SERINC5: variants seen among roughly 807,000 people sequenced by gnomAD.
SERINC5 encodes the protein serine incorporator 5.
SERINC5 carries 41 observed loss-of-function variants against 63.1 expected under a neutral mutation model. That is an observed-to-expected ratio of 0.65 (90% CI 0.51 to 0.84). SERINC5 has a LOEUF of 0.84. Ranked by LOEUF, SERINC5 falls within the 40% of genes least tolerant of loss-of-function variation. The pLI is 0.00. For synonymous variants in SERINC5, 222 were observed against 215.2 expected (o/e 1.03, Z -0.28); for missense variants, 523 against 573.0 (o/e 0.91, Z 0.89).
Position 80,140,232 on chromosome 5 carries a change from A to T in SERINC5, c.*3431T>A. The T allele has an allele frequency of 1.2e-6, 1 of 848,446 alleles. No homozygotes were observed. The highest frequency in any genetic ancestry group is 1.4e-6 in the Non-Finnish European group (1 of 714,004). The allele number at this position is 848,446 out of a possible 1,614,324, so 52.6% of individuals were successfully genotyped here. A position where few individuals can be genotyped will look rare whatever the true frequency, so the allele number is the denominator to read the frequency against. On this transcript the variant is annotated 3_prime_UTR_variant, in exon 12 of 12. Coordinates refer to ENST00000507668, the MANE Select transcript of SERINC5 (RefSeq NM_001174072.3). ...TACTTGGGAGGTGGTCCTTGAGCCC[A>T]GGAGGTCAAGCCTGCCATGAGTCAA...
intron 7 of SERINC5, among the ~76,000 whole-genome samples, chr5:80,162,976 C>G (rs1747043775): frequency 6.6e-6 from 1 of 151,828 alleles, no homozygotes; most frequent in South Asian, 2.1e-4. Flanking sequence ...TCTCAGCCTC[C>G]CAAGTAGTTG....
intron 5 of SERINC5, 45 bp from the exon 6 acceptor site, chr5:80,169,591 G>A: frequency 1.3e-6 from 2 of 1,501,152 alleles, no homozygotes; most frequent in Non-Finnish European, 1.8e-6. Context: ...GAGAAGACAA[G>A]TCAACGAAGC....
chr5:80,169,913 A>G (rs931852195), intron 5 of SERINC5, among the ~76,000 whole-genome samples: 6 of 152,178 alleles, frequency 3.9e-5, no homozygotes, highest in African/African-American at 1.2e-4. Flanking sequence ...GGGTGCACCT[A>G]AAAGCACACA....
Position 80,140,618 on chromosome 5 carries a change from G to T in SERINC5, c.*3045C>A, listed in dbSNP as rs1277616861. The stretch of plus-strand genomic sequence containing the variant: ...AAACTAACCAATCAGTATTTAAAAA[G>T]CTAGACACAGTAAAGACGTGGTTGG... On this transcript the variant is annotated 3_prime_UTR_variant, in exon 12 of 12. Transcript: ENST00000507668. The T allele has an allele frequency of 3.0e-6, 3 of 985,168 alleles. No individual in the cohort carries two copies. The highest frequency in any genetic ancestry group is 2.4e-6 in the Non-Finnish European group (2 of 829,896). The allele number at this position is 985,168 out of a possible 1,614,324, so 61.0% of individuals were successfully genotyped here.
intron 11 of SERINC5, among the ~76,000 whole-genome samples, chr5:80,123,260 T>C (rs1217102192): frequency 6.6e-6 from 1 of 152,162 alleles, no homozygotes; most frequent in Non-Finnish European, 1.5e-5. Flanking sequence ...CATACTTGGC[T>C]GATTTTTTTA....
intron 11 of SERINC5, among the ~76,000 whole-genome samples, chr5:80,144,175 G>A (rs1745679204): frequency 6.6e-6 from 1 of 152,242 alleles, no homozygotes; most frequent in South Asian, 2.1e-4. Flanking sequence ...GCGGCAGCAT[G>A]TGTCAGTCCT....
At chr5:80,179,394 C>A (rs1748275531) in intron 2 of SERINC5, among the ~76,000 whole-genome samples, 2 of 152,194 alleles carry the variant, frequency 1.3e-5, no homozygotes, top group African/African-American at 2.4e-5. Flanking sequence ...CTATCTTATA[C>A]TGTAAAAAGG....
rs376577476 is a variant in SERINC5, at chr5:80,230,080, G to T, written c.27+25816C>A. Among the ~76,000 whole-genome samples, 89 of 152,224 alleles carry T rather than the reference G, an allele frequency of 5.8e-4. 1 individual carries two copies. In the South Asian group the frequency reaches 0.018, roughly 31 times the overall value. ...TGCTCAGGAAATTCCCAGGGCAGAA[G>T]GAACCCAAGGACTCGCTCCCTCTTG... On this transcript the variant is annotated intron_variant, in intron 1 of 11. Transcript: ENST00000507668.
At chr5:80,152,293 G>A (rs1464582625) in intron 8 of SERINC5, among the ~76,000 whole-genome samples, 1 of 152,140 alleles carries the variant, frequency 6.6e-6, no homozygotes, top group Non-Finnish European at 1.5e-5. Context: ...TTGAGCCCAG[G>A]AGTTCGAGAC....
chr5:80,255,883 C>T lies in SERINC5; in HGVS notation c.27+13G>A. ...GATCTGACAACCCCCGCGCTGCGCC[C>T]GGCCTCGCTCACCTGGCCCGCACAG... On this transcript the variant is annotated intron_variant, in intron 1 of 11. Coordinates refer to ENST00000507668, the MANE Select transcript of SERINC5 (RefSeq NM_001174072.3). The T allele has an allele frequency of 6.3e-7, 1 of 1,589,638 alleles. No homozygotes were observed.
chr5:80,252,681 C>T (rs1752484318), intron 1 of SERINC5, among the ~76,000 whole-genome samples: 1 of 152,154 alleles, frequency 6.6e-6, no homozygotes, highest in Admixed American at 6.5e-5. Context: ...TCTGCCAAAT[C>T]CTATATTACA....
intron 1 of SERINC5, among the ~76,000 whole-genome samples, chr5:80,216,445 T>C (rs891948381): frequency 1.3e-5 from 2 of 152,196 alleles, no homozygotes; most frequent in African/African-American, 4.8e-5. Flanking sequence ...GAGAGCATGC[T>C]GGCAACTTAT....
chr5:80,214,185 T>A (rs533876354), intron 1 of SERINC5, among the ~76,000 whole-genome samples: 1 of 152,338 alleles, frequency 6.6e-6, no homozygotes, highest in East Asian at 1.9e-4. Context: ...AAATAGTTAA[T>A]ATTAATAGTG....
rs996416928 is a variant in SERINC5 at position 80,142,214 on chromosome 5, T to C, written c.*1449A>G. On this transcript the variant is annotated 3_prime_UTR_variant, in exon 12 of 12. Transcript: ENST00000507668. ...TGCCTGAATACATCAACACTGAAAA[T>C]AGGCATCATCTTGGGTAGCTGCCGA... is the stretch of plus-strand genomic sequence containing the variant. 11 of 985,036 alleles carry C rather than the reference T, an allele frequency of 1.1e-5. No homozygotes were observed. The highest frequency in any genetic ancestry group is 1.3e-5 in the Non-Finnish European group (11 of 829,842). The allele number at this position is 985,036 out of a possible 1,614,324, so 61.0% of individuals were successfully genotyped here.
chr5:80,161,815 C>T (rs115035297), intron 7 of SERINC5, among the ~76,000 whole-genome samples: 8 of 152,130 alleles, frequency 5.3e-5, no homozygotes, highest in African/African-American at 1.9e-4. Flanking sequence ...AGGTTTTCTT[C>T]TAGCATTTTT....
rs184719754 is a variant in SERINC5 at position 80,172,639 on chromosome 5, T to C, written c.551+2315A>G. Among the ~76,000 whole-genome samples the C allele has an allele frequency of 1.5e-3, 222 of 149,368 alleles. 4 individuals carry two copies. The highest frequency in any genetic ancestry group is 6.8e-3 in the Middle Eastern group (2 of 294). ...CCTGAAACTGTGCCAGACACTCCAA[T>C]GACCTTGGAATTATTCTAACATAAA... On this transcript the variant is annotated intron_variant, in intron 5 of 11. Coordinates refer to ENST00000507668, the MANE Select transcript of SERINC5 (RefSeq NM_001174072.3).
chr5:80,133,418 G>A (rs1194284204), intron 11 of SERINC5, among the ~76,000 whole-genome samples: 1 of 152,200 alleles, frequency 6.6e-6, no homozygotes, highest in Non-Finnish European at 1.5e-5. Context: ...TTGTAGCAAT[G>A]TGGAAGATGG....
In SERINC5 at chr5:80,139,170, T is replaced by A; in HGVS notation, c.*4493A>T. 1 of 985,112 alleles carries A rather than the reference T, an allele frequency of 1.0e-6. No individual in the cohort carries two copies. Among genetic ancestry groups the A allele is most frequent in the Non-Finnish European group, 1.2e-6 (1 of 829,630 alleles). The allele number at this position is 985,112 out of a possible 1,614,324, so 61.0% of individuals were successfully genotyped here. A position where few individuals can be genotyped will look rare whatever the true frequency, so the allele number is the denominator to read the frequency against. ...CACATAATTTGGCTACAGCTAATCG[T>A]TTCAGAAAAGTTTAAAAAATTAGCA... On this transcript the variant is annotated 3_prime_UTR_variant, in exon 12 of 12. Transcript: ENST00000507668.
chr5:80,218,792 C>T (rs747982282), intron 1 of SERINC5, among the ~76,000 whole-genome samples: 21 of 152,092 alleles, frequency 1.4e-4, no homozygotes, highest in Non-Finnish European at 2.8e-4. Context: ...GACTAAATCA[C>T]CCCACGTGCA....
Sources: allele counts gnomAD v4.1 joint callset (sites outside exome capture counted in the v4.1 genomes callset), GRCh38; gene constraint gnomAD v4.1.1; transcripts MANE v1.5; gene names NCBI Gene and HGNC (gene_info 2026-07-23, HGNC 2026-07-21).